The following SREK1 variants were observed in gnomAD, a reference collection of about 807,000 sequenced individuals.
SREK1 encodes splicing regulatory glutamine/lysine-rich protein 1.
Under a neutral mutation model 66.5 loss-of-function variants are expected in SREK1, and 13 were observed. The observed-to-expected ratio is 0.20, with a 90% CI of 0.13 to 0.31. SREK1 has a LOEUF of 0.31. Ranked by LOEUF, SREK1 falls within the 10% of genes least tolerant of loss-of-function variation. The pLI, the probability that SREK1 is intolerant of heterozygous loss-of-function variation, is 1.00. For missense variants in SREK1, 607 were observed against 769.6 expected, an observed-to-expected ratio of 0.79 and a Z score of 2.50; for synonymous variants, 265 against 263.5, an observed-to-expected ratio of 1.01 and a Z score of -0.05.
rs764951345 is a variant in SREK1 at position 66,177,603 on chromosome 5, G to A, written c.1670G>A (p.Ser557Asn). 1.1e-5 allele frequency: 18 copies of A among 1,610,914 alleles called. No individual in the cohort carries two copies. Among genetic ancestry groups the A allele is most frequent in the Middle Eastern group, 1.7e-4 (1 of 6,046 alleles). ...ERERSTSMRK[S>N]SNDRDGKEKL... The stretch of plus-strand genomic sequence containing the variant: ...GAACGTTCAACGTCTATGAGAAAGA[G>A]TTCTAATGATAGAGATGGGAAGGAG... The change falls in exon 11 of 12, where the codon AGT becomes AAT. Residue 557 changes from serine (S) to asparagine (N), a missense_variant. Coordinates refer to ENST00000334121, the MANE Select transcript of SREK1 (RefSeq NM_001077199.3).
intron 1 of SREK1, chr5:66,144,942 G>A (rs1055148234): frequency 3.0e-6 from 3 of 991,146 alleles, no homozygotes; most frequent in Non-Finnish European, 3.6e-6. Context: ...CCGCGCCTGA[G>A]CCACAGTCCA....
In SREK1 at chr5:66,171,704, G is replaced by C. The variant is rs532472577; in HGVS notation, c.1484+757G>C. Among the ~76,000 whole-genome samples, 5 of 152,234 alleles carry C rather than the reference G, an allele frequency of 3.3e-5. No individual in the cohort carries two copies. The South Asian group carries it at 1.0e-3, about 32-fold the overall frequency. ...GGTTTTTTAATAGAAAATAATTTGAGATAAAGGAATATATGTTTCCCATTT... is the reference window on the plus strand; with the variant it reads ...GGTTTTTTAATAGAAAATAATTTGACATAAAGGAATATATGTTTCCCATTT... On this transcript the variant is annotated intron_variant, in intron 9 of 11. Transcript: ENST00000334121.
intron 7 of SREK1, chr5:66,168,027 A>C (rs989624323): frequency 6.6e-6 from 1 of 152,114 alleles, no homozygotes; most frequent in African/African-American, 2.4e-5. Context: ...GCTATGAATT[A>C]TCTTCTTGTA....
chr5:66,162,688 G>A, intron 5 of SREK1, 96 bp downstream of exon 5: 3 of 1,151,772 alleles, frequency 2.6e-6, no homozygotes, highest in East Asian at 2.6e-5. Flanking sequence ...AATAGTAATT[G>A]GCAATTTGTG....
intron 2 of SREK1, chr5:66,156,903 A>ACTT (rs1744331331): frequency 2.0e-6 from 2 of 984,484 alleles, no homozygotes; most frequent in South Asian, 4.7e-5. Flanking sequence ...GATTAGGACT[A>ACTT]TAATACTGTG....
intron 11 of SREK1, 150 bp downstream of exon 11, chr5:66,177,808 T>C: frequency 1.6e-6 from 1 of 628,454 alleles, no homozygotes; most frequent in Non-Finnish European, 2.4e-6. Flanking sequence ...TAATTGGTAA[T>C]TTAAAAAAAC....
intron 7 of SREK1, 72 bp from the exon 8 acceptor site, chr5:66,169,974 TTAGGA>T: frequency 1.1e-5 from 13 of 1,222,864 alleles, no homozygotes; most frequent in Non-Finnish European, 1.3e-5. Context: ...TTAAATACTG[TTAGGA>T]TAGATTTTAA....
chr5:66,159,427 C>T, intron 3 of SREK1, 93 bp downstream of exon 3: 19 of 871,074 alleles, frequency 2.2e-5, no homozygotes, highest in Middle Eastern at 2.9e-4. Flanking sequence ...TTTGGATCTT[C>T]TTCTTTTTTT....
intron 2 of SREK1, chr5:66,156,903 A>ATTACGT (rs1610942): frequency 2.0e-6 from 2 of 984,484 alleles, no homozygotes; most frequent in Admixed American, 6.2e-5. Context: ...GATTAGGACT[A>ATTACGT]TAATACTGTG....
At chr5:66,147,329 T>C (rs1161493130) in intron 1 of SREK1, among the ~76,000 whole-genome samples, 1 of 152,322 alleles carries the variant, frequency 6.6e-6, no homozygotes, top group African/African-American at 2.4e-5. Context: ...TGTGAAACTT[T>C]CTTACACAAG....
intron 10 of SREK1, 145 bp downstream of exon 10, chr5:66,175,186 T>C (rs1161851910): frequency 8.5e-6 from 6 of 705,124 alleles, no homozygotes; most frequent in Middle Eastern, 4.1e-4. Context: ...ATAAAAGTTA[T>C]GTATCAGGAA....
chr5:66,169,860 T>C, intron 7 of SREK1, 191 bp from the exon 8 acceptor site: 1 of 400,588 alleles, frequency 2.5e-6, no homozygotes, highest in East Asian at 4.3e-5. Flanking sequence ...AATTCTTTGT[T>C]TCTGTCTCTG....
chr5:66,164,621 A>G (rs1211215082), intron 6 of SREK1, 162 bp from the exon 7 acceptor site: 1 of 1,542,082 alleles, frequency 6.5e-7, no homozygotes, highest in African/African-American at 1.4e-5. Flanking sequence ...GGCTGCACTC[A>G]ACGAGTTTAT....
chr5:66,154,207 A>C (rs1007961732), intron 2 of SREK1, among the ~76,000 whole-genome samples: 1 of 152,222 alleles, frequency 6.6e-6, no homozygotes, highest in Non-Finnish European at 1.5e-5. Flanking sequence ...TCCATGAAGG[A>C]AGTAGTTGTT....
chr5:66,149,155 C>T (rs1743536294), intron 1 of SREK1, among the ~76,000 whole-genome samples: 1 of 152,180 alleles, frequency 6.6e-6, no homozygotes. Flanking sequence ...AGTTCGAGAC[C>T]TGTCTGGCCA....
At chr5:66,168,626 C>T (rs560196197) in intron 7 of SREK1, 4 of 152,202 alleles carry the variant, frequency 2.6e-5, no homozygotes, top group African/African-American at 9.6e-5. Flanking sequence ...TACCACCTGC[C>T]TCGGCCTCCC....
intron 10 of SREK1, chr5:66,177,302 G>A (rs1459251859): frequency 2.5e-6 from 1 of 398,298 alleles, no homozygotes; most frequent in Non-Finnish European, 4.4e-6. Context: ...CTGCCAAAAT[G>A]ACTTGTGTAT....
chr5:66,165,088 A>G (rs1745063941), intron 7 of SREK1, 191 bp downstream of exon 7: 1 of 476,756 alleles, frequency 2.1e-6, no homozygotes, highest in African/African-American at 2.0e-5. Flanking sequence ...AATGATACTT[A>G]ATTTTTAAAT....
rs377508686 is a variant in SREK1, at chr5:66,162,408, C to T, written c.577-6C>T. ...ATTTTATCAAAGTGTCACTTTGTTC[C>T]CTTAGACAACGACAGCTGATCAACT... is the stretch of plus-strand genomic sequence containing the variant. On this transcript the variant is annotated splice_polypyrimidine_tract_variant and splice_region_variant and intron_variant, in intron 4 of 11. Transcript: ENST00000334121. The T allele has an allele frequency of 3.0e-5, 49 of 1,613,182 alleles. No homozygotes were observed. The African/African-American group carries it at 6.4e-4, about 21-fold the overall frequency.
Sources: gnomAD v4.1 joint callset for allele counts (sites outside exome capture counted in the v4.1 genomes callset) on GRCh38, gnomAD v4.1.1 for gene constraint, MANE v1.5 for transcripts, NCBI Gene and HGNC (gene_info 2026-07-23, HGNC 2026-07-21) for gene names.